Variants in DMD observed in about 807,000 individuals in gnomAD.
The protein encoded by DMD is dystrophin, also known as mutant dystrophin.
DMD carries 63 observed loss-of-function variants against 330.1 expected under a neutral mutation model. That is an observed-to-expected ratio of 0.19 (90% CI 0.16 to 0.24). The LOEUF is 0.24. Ranked by LOEUF, DMD falls within the 10% of genes least tolerant of loss-of-function variation. DMD has a pLI of 1.00. For missense variants in DMD, 3,344 were observed against 2,684.1 expected (o/e 1.25, Z -5.43); for synonymous variants, 1,223 against 959.8 (o/e 1.27, Z -5.07).
chrX:33,186,261 C>T (rs1338748335), intron 1 of DMD, among the ~76,000 whole-genome samples: 4 of 112,109 alleles, frequency 3.6e-5, no homozygotes, highest in African/African-American at 1.3e-4. Context: ...GCTCTCCTTT[C>T]ACTGCCTTTT....
chrX:32,240,065 A>C lies in DMD; in HGVS notation c.6291-23002T>G, dbSNP rs762331314. Among the ~76,000 whole-genome samples, 4 of 111,650 alleles carry C rather than the reference A, an allele frequency of 3.6e-5. No individual in the cohort carries two copies. The Admixed American group carries it at 3.8e-4, about 11-fold the overall frequency. ...GTCTTCCATCTTTGAGACATGTTCA[A>C]ATATCTGGAAATCCTTGATTGTCTC... On this transcript the variant is annotated intron_variant, in intron 43 of 78. Coordinates refer to ENST00000357033, the MANE Select transcript of DMD (RefSeq NM_004006.3).
chrX:31,128,644 A>T (rs1488323387), intron 77 of DMD, among the ~76,000 whole-genome samples: 1 of 112,052 alleles, frequency 8.9e-6, no homozygotes, highest in Non-Finnish European at 1.9e-5. Flanking sequence ...CTCAGTTATC[A>T]ATTGATTATT....
intron 44 of DMD, among the ~76,000 whole-genome samples, chrX:32,026,969 C>A (rs768950001): frequency 1.8e-5 from 2 of 110,781 alleles, no homozygotes; most frequent in Non-Finnish European, 1.9e-5. Flanking sequence ...TTCAATTGGT[C>A]ACAACTAGTC....
chrX:32,380,630 C>T lies in DMD; in HGVS notation c.4725G>A (p.Lys1575=). ...QLEKCLKLSR[K]MRKEMNVLTE... ...TCAAGACATTCATTTCCTTTCGCAT[C>T]TTACGGGACAATTTCAAGCATTTCT... is the stretch of plus-strand genomic sequence containing the variant. Residue 1575 remains lysine (K), a synonymous_variant, in exon 34 of 79, where the codon AAG becomes AAA. Transcript: ENST00000357033. 8.3e-7 allele frequency: 1 copy of T among 1,209,473 alleles called. No individual in the cohort carries two copies. Among genetic ancestry groups the T allele is most frequent in the Non-Finnish European group, 1.1e-6 (1 of 894,471 alleles).
At chrX:31,253,250 C>T (rs755445062) in intron 63 of DMD, among the ~76,000 whole-genome samples, 4 of 112,395 alleles carry the variant, frequency 3.6e-5, no homozygotes, top group Non-Finnish European at 5.6e-5. Context: ...TCTAGCTATC[C>T]TTTCCAGTTC....
chrX:31,126,638 T>A lies in DMD; in HGVS notation c.11046+4A>T. 1 of 1,199,509 alleles carries A rather than the reference T, an allele frequency of 8.3e-7. No individual in the cohort carries two copies. Among genetic ancestry groups the A allele is most frequent in the Non-Finnish European group, 1.1e-6 (1 of 884,789 alleles). On this transcript the variant is annotated splice_donor_region_variant and intron_variant, in intron 78 of 78. Coordinates refer to ENST00000357033, the MANE Select transcript of DMD (RefSeq NM_004006.3). ...CCATGGCCGTGAGCCTGAATCTCACTAACCTCTCTCATTGGCTTTCCAGGG... is the reference window on the plus strand; with the variant it reads ...CCATGGCCGTGAGCCTGAATCTCACAAACCTCTCTCATTGGCTTTCCAGGG...
intron 63 of DMD, among the ~76,000 whole-genome samples, chrX:31,227,886 A>G (rs2046778146): frequency 9.0e-6 from 1 of 110,633 alleles, no homozygotes; most frequent in Non-Finnish European, 1.9e-5. Flanking sequence ...GACTGGATTA[A>G]GAAAATGTGG....
intron 62 of DMD, among the ~76,000 whole-genome samples, chrX:31,273,908 T>C (rs1022787028): frequency 3.6e-5 from 4 of 111,995 alleles, no homozygotes; most frequent in Non-Finnish European, 7.5e-5. Flanking sequence ...AATACTGCCA[T>C]ATTGTGGGTC....
chrX:31,450,162 G>A (rs1200412879), intron 59 of DMD, among the ~76,000 whole-genome samples: 1 of 111,525 alleles, frequency 9.0e-6, no homozygotes, highest in Non-Finnish European at 1.9e-5. Context: ...CATTCTTCAT[G>A]CTGAGCTAGT....
rs151187947 is a variant in DMD, at chrX:31,728,832, G to T, written c.7660+799C>A. Among the ~76,000 whole-genome samples, 820 of 111,767 alleles carry T rather than the reference G, an allele frequency of 7.3e-3. 3 individuals carry two copies. The highest frequency in any genetic ancestry group is 0.012 in the Non-Finnish European group (618 of 53,110). ...AAGCAAGAAAATTCAATACCAGTGT[G>T]TGTCCCTGGAGGGAAGGAAGGTAGA... On this transcript the variant is annotated intron_variant, in intron 52 of 78. Coordinates refer to ENST00000357033, the MANE Select transcript of DMD (RefSeq NM_004006.3).
At chrX:32,823,151 C>A in intron 5 of DMD, 144 bp downstream of exon 5, 1 of 493,393 alleles carries the variant, frequency 2.0e-6, no homozygotes, top group Non-Finnish European at 3.6e-6. Context: ...TTTCAGACGA[C>A]ATGGTAGTGT....
At chrX:32,604,904 G>A (rs1456807627) in intron 12 of DMD, among the ~76,000 whole-genome samples, 4 of 109,942 alleles carry the variant, frequency 3.6e-5, no homozygotes, top group Admixed American at 2.9e-4. Flanking sequence ...AATCATAGAT[G>A]ACACAAACAA....
rs67403730 is a variant in DMD, at chrX:31,204,276, T to G, written c.9650-158A>C. Among the ~76,000 whole-genome samples the G allele has an allele frequency of 0.038, 4,225 of 112,537 alleles. 210 individuals carry two copies. The highest frequency in any genetic ancestry group is 0.13 in the African/African-American group (4,009 of 30,900). On this transcript the variant is annotated intron_variant, in intron 66 of 78. Transcript: ENST00000357033. ...AATTTGTGCTAATCTGGATATTTATTATTTTTATGAATCAAGTTAATGATC... is the reference window on the plus strand; with the variant it reads ...AATTTGTGCTAATCTGGATATTTATGATTTTTATGAATCAAGTTAATGATC...
intron 44 of DMD, among the ~76,000 whole-genome samples, chrX:32,082,862 T>C (rs775848054): frequency 8.9e-6 from 1 of 111,878 alleles, no homozygotes; most frequent in Non-Finnish European, 1.9e-5. Context: ...CTGAGCTAGA[T>C]GGCCCCTTTA....
intron 60 of DMD, among the ~76,000 whole-genome samples, chrX:31,418,583 T>A (rs2063197670): frequency 1.8e-5 from 2 of 112,128 alleles, no homozygotes; most frequent in African/African-American, 6.5e-5. Context: ...CAAGGCCACA[T>A]GACTCCATGC....
chrX:33,064,165 CA>C (rs1245226435), intron 1 of DMD, among the ~76,000 whole-genome samples: 14 of 111,153 alleles, frequency 1.3e-4, no homozygotes, highest in African/African-American at 4.3e-4. Flanking sequence ...ACAATCCGTT[CA>C]TTTTTCATGT....
intron 4 of DMD, among the ~76,000 whole-genome samples, chrX:32,828,595 A>C (rs1333564547): frequency 9.1e-6 from 1 of 109,910 alleles, no homozygotes; most frequent in Non-Finnish European, 1.9e-5. Flanking sequence ...ACATCTATAC[A>C]CATATATACA....
At chrX:32,468,831 T>G in intron 22 of DMD, 121 bp from the exon 23 acceptor site, 1 of 576,023 alleles carries the variant, frequency 1.7e-6, no homozygotes. Context: ...GTAGATGATC[T>G]TCTATCAGTT....
chrX:31,306,580 G>A (rs2055052264), intron 62 of DMD, among the ~76,000 whole-genome samples: 1 of 111,550 alleles, frequency 9.0e-6, no homozygotes, highest in Non-Finnish European at 1.9e-5. Flanking sequence ...AATCATCTTT[G>A]TAATTATTTT....
Sources: allele counts gnomAD v4.1 joint callset (sites outside exome capture counted in the v4.1 genomes callset), GRCh38; gene constraint gnomAD v4.1.1; transcripts MANE v1.5; gene names NCBI Gene and HGNC (gene_info 2026-07-23, HGNC 2026-07-21).